Variants in KIF13B observed in about 807,000 individuals in gnomAD.
The protein encoded by KIF13B is kinesin family member 13B.
In KIF13B, 127 loss-of-function variants were observed where a neutral mutation model predicts 222.0. The observed-to-expected ratio is 0.57, with a 90% confidence interval of 0.50 to 0.66. KIF13B has a LOEUF of 0.66. KIF13B is among the 30% of genes least tolerant of loss of function. The probability of loss-of-function intolerance (pLI) is 0.00; values close to 1 mark genes in which losing one functional copy is unlikely to be tolerated. For synonymous variants in KIF13B, 976 were observed against 919.0 expected, an observed-to-expected ratio of 1.06 and a Z score of -1.12; for missense variants, 2,173 against 2,379.0, an observed-to-expected ratio of 0.91 and a Z score of 1.80.
chr8:29,228,742 CTAA>C (rs1223273152), intron 2 of KIF13B, among the ~76,000 whole-genome samples: 1 of 151,970 alleles, frequency 6.6e-6, no homozygotes, highest in African/African-American at 2.4e-5. Flanking sequence ...TGGCTGCTTG[CTAA>C]TAAAGATGCA....
chr8:29,073,555 G>A (rs145261541), intron 38 of KIF13B, among the ~76,000 whole-genome samples: 1 of 152,188 alleles, frequency 6.6e-6, no homozygotes, highest in Non-Finnish European at 1.5e-5. Flanking sequence ...CAGGGAATGA[G>A]ATTGGTGGGG....
chr8:29,240,662 G>A (rs902018042), intron 2 of KIF13B, among the ~76,000 whole-genome samples: 17 of 152,174 alleles, frequency 1.1e-4, no homozygotes, highest in African/African-American at 4.1e-4. Context: ...CAGAACGCGG[G>A]GTTCTAAATC....
At chr8:29,169,004 T>C (rs927878565) in intron 10 of KIF13B, among the ~76,000 whole-genome samples, 3 of 152,198 alleles carry the variant, frequency 2.0e-5, no homozygotes, top group African/African-American at 7.2e-5. Context: ...AATGACAGAC[T>C]CTCAAGATTA....
intron 12 of KIF13B, among the ~76,000 whole-genome samples, chr8:29,162,746 TA>T (rs1399083947): frequency 1.3e-5 from 2 of 152,192 alleles, no homozygotes; most frequent in Admixed American, 6.5e-5. Context: ...TTAAATCATC[TA>T]AAAAAATTAC....
intron 1 of KIF13B, among the ~76,000 whole-genome samples, chr8:29,262,764 G>A (rs1350939778): frequency 1.3e-5 from 2 of 149,864 alleles, no homozygotes; most frequent in African/African-American, 4.9e-5. Flanking sequence ...GGGCCCGACG[G>A]CGCCAGGGAC....
chr8:29,130,662 C>T lies in KIF13B; in HGVS notation c.2946G>A (p.Trp982Ter), dbSNP rs1283011788. 2 of 1,613,788 alleles carry T rather than the reference C, an allele frequency of 1.2e-6. No homozygotes were observed. Among genetic ancestry groups the T allele is most frequent in the Non-Finnish European group, 1.7e-6 (2 of 1,179,752 alleles). The part of the protein sequence containing the change: ...QAKTRSLRDR[W>*]SEVTRKLEFW... ...ATTCCAATTTCCTGGTCACTTCACT[C>T]CATCTAGGAAATAAGCGAAGTTCTT... The change falls in exon 24 of 40, where the codon TGG (tryptophan) becomes TGA (stop). Residue 982 changes from tryptophan to a stop codon, truncating the protein, a stop_gained. Coordinates refer to ENST00000524189, the MANE Select transcript of KIF13B (RefSeq NM_015254.4). LOFTEE classifies it high-confidence loss of function.
At chr8:29,144,536 G>A (rs1810967859) in intron 18 of KIF13B, among the ~76,000 whole-genome samples, 1 of 152,132 alleles carries the variant, frequency 6.6e-6, no homozygotes, top group Non-Finnish European at 1.5e-5. Flanking sequence ...GGGATTACAG[G>A]CATGAGCCAC....
chr8:29,165,885 G>C (rs1410989028), intron 11 of KIF13B, 113 bp from the exon 12 acceptor site: 1 of 171,808 alleles, frequency 5.8e-6, no homozygotes, highest in Non-Finnish European at 1.0e-5. Context: ...TGAATGTCAC[G>C]CTGAGGTCTG....
chr8:29,140,699 T>C, intron 19 of KIF13B, 82 bp from the exon 20 acceptor site: 2 of 1,232,242 alleles, frequency 1.6e-6, no homozygotes, highest in Admixed American at 4.8e-5. Context: ...TGATGCACTC[T>C]AGGTTATTAA....
chr8:29,143,291 G>C (rs946536150), intron 18 of KIF13B, among the ~76,000 whole-genome samples: 12 of 152,150 alleles, frequency 7.9e-5, no homozygotes, highest in South Asian at 6.2e-4. Flanking sequence ...AGTTTGCTGC[G>C]GTGTATGGGG....
chr8:29,138,243 G>A lies in KIF13B; in HGVS notation c.2613+1820C>T, dbSNP rs188732790. Among the ~76,000 whole-genome samples, 143 of 152,236 alleles carry A rather than the reference G, an allele frequency of 9.4e-4. 2 individuals are homozygous for A. In the East Asian group the frequency reaches 0.026, roughly 27 times the overall value. On this transcript the variant is annotated intron_variant, in intron 21 of 39. Coordinates refer to ENST00000524189, the MANE Select transcript of KIF13B (RefSeq NM_015254.4). ...ACAGCTACCTAGAAGGCTGAGGTGG[G>A]AGAATCGCTTGAACCCAGGAGGTGG...
chr8:29,159,441 C>G (rs1021821709), intron 13 of KIF13B, among the ~76,000 whole-genome samples: 1 of 152,160 alleles, frequency 6.6e-6, no homozygotes, highest in East Asian at 1.9e-4. Flanking sequence ...TGAGCCACCA[C>G]GCCCAGCCAA....
intron 5 of KIF13B, among the ~76,000 whole-genome samples, chr8:29,187,584 A>G (rs1466521099): frequency 3.9e-5 from 6 of 152,218 alleles, no homozygotes; most frequent in African/African-American, 1.4e-4. Flanking sequence ...TAAAATTTAG[A>G]AAACACAGGA....
intron 31 of KIF13B, among the ~76,000 whole-genome samples, chr8:29,114,962 G>A (rs988903238): frequency 6.6e-6 from 1 of 152,184 alleles, no homozygotes; most frequent in Non-Finnish European, 1.5e-5. Context: ...ATGAGAAAAG[G>A]AAGACAGAGA....
intron 1 of KIF13B, among the ~76,000 whole-genome samples, chr8:29,255,078 G>A (rs1436234028): frequency 6.6e-6 from 1 of 152,194 alleles, no homozygotes; most frequent in Non-Finnish European, 1.5e-5. Flanking sequence ...TAAATGTCCA[G>A]AATAAGCAAA....
At chr8:29,157,392 C>A (rs1393607478) in intron 13 of KIF13B, among the ~76,000 whole-genome samples, 110 of 89,140 alleles carry the variant, frequency 1.2e-3, no homozygotes, top group African/African-American at 3.7e-3. Context: ...TCGTCTCTAC[C>A]AAAAAAAAAA....
intron 2 of KIF13B, among the ~76,000 whole-genome samples, chr8:29,209,535 C>T (rs781018403): frequency 4.6e-5 from 7 of 152,178 alleles, no homozygotes; most frequent in African/African-American, 9.7e-5. Flanking sequence ...GCTTTAATTA[C>T]TCCTTGAGTT....
intron 24 of KIF13B, 151 bp downstream of exon 24, chr8:29,130,382 A>G: frequency 1.2e-6 from 1 of 805,412 alleles, no homozygotes; most frequent in Non-Finnish European, 2.0e-6. Flanking sequence ...TTTAATAGCA[A>G]TACTTGTGAC....
chr8:29,204,580 G>A (rs1813845895), intron 2 of KIF13B, among the ~76,000 whole-genome samples: 1 of 152,142 alleles, frequency 6.6e-6, no homozygotes, highest in African/African-American at 2.4e-5. Context: ...TTTAAATCTG[G>A]CCAAAGAATA....
Sources: allele counts gnomAD v4.1 joint callset (sites outside exome capture counted in the v4.1 genomes callset), GRCh38; gene constraint gnomAD v4.1.1; transcripts MANE v1.5; gene names NCBI Gene and HGNC (gene_info 2026-07-23, HGNC 2026-07-21).